ICMT: variants seen among roughly 807,000 people sequenced by gnomAD.
The protein encoded by ICMT is protein-S-isoprenylcysteine O-methyltransferase.
In ICMT, 10 loss-of-function variants were observed where a neutral mutation model predicts 32.2. That is an observed-to-expected ratio of 0.31 (90% CI 0.19 to 0.53). The LOEUF (loss-of-function observed/expected upper bound fraction) is 0.53. ICMT is among the 20% of genes least tolerant of loss of function. ICMT has a pLI of 0.96. For missense variants in ICMT, 265 were observed against 356.9 expected, an observed-to-expected ratio of 0.74 and a Z score of 2.07; for synonymous variants, 183 against 158.2, an observed-to-expected ratio of 1.16 and a Z score of -1.18.
At chr1:6,234,337 T>C in intron 2 of ICMT, 1 of 387,730 alleles carries the variant, frequency 2.6e-6, no homozygotes, top group South Asian at 1.9e-5. Context: ...TTAACAAAAC[T>C]GAAATAATTC....
At chr1:6,231,414 G>A (rs1319706117) in intron 4 of ICMT, among the ~76,000 whole-genome samples, 1 of 152,082 alleles carries the variant, frequency 6.6e-6, no homozygotes, top group Non-Finnish European at 1.5e-5. Flanking sequence ...AGGTTGAAGG[G>A]GCAGAGAAAG....
intron 4 of ICMT, among the ~76,000 whole-genome samples, chr1:6,229,752 A>C (rs894005042): frequency 6.7e-6 from 1 of 149,318 alleles, no homozygotes; most frequent in Non-Finnish European, 1.5e-5. Context: ...GCCTCAAAAC[A>C]AAACAAAAAA....
chr1:6,228,550 G>A (rs1213032887), intron 4 of ICMT, among the ~76,000 whole-genome samples: 2 of 151,854 alleles, frequency 1.3e-5, no homozygotes, highest in South Asian at 2.1e-4. Flanking sequence ...CACTGTGTTA[G>A]CCAGGATGGT....
chr1:6,227,990 A>G (rs1288315173), intron 4 of ICMT, among the ~76,000 whole-genome samples: 1 of 151,514 alleles, frequency 6.6e-6, no homozygotes, highest in African/African-American at 2.4e-5. Context: ...CAACACTAAG[A>G]CCCCATCTCT....
Position 6,235,941 on chromosome 1 carries a change from G to A in ICMT, c.-30C>T, listed in dbSNP as rs1377954586. 18 of 1,081,914 alleles carry A rather than the reference G, an allele frequency of 1.7e-5. No homozygotes were observed. The highest frequency in any genetic ancestry group is 1.7e-5 in the Non-Finnish European group (15 of 888,834). The allele number at this position is 1,081,914 out of a possible 1,614,324, so 67.0% of individuals were successfully genotyped here. The stretch of plus-strand genomic sequence containing the variant: ...CCGGGCGGCGGACTAGCGGGCGGCG[G>A]CGCCGGCTGTAGCCCGGAGAAACGC... On this transcript the variant is annotated 5_prime_UTR_variant, in exon 1 of 5. Transcript: ENST00000343813.
Position 6,224,389 on chromosome 1 carries a change from A to G in ICMT, c.*691T>C, listed in dbSNP as rs1668607344. 1 of 152,194 alleles carries G rather than the reference A, an allele frequency of 6.6e-6. No homozygotes were observed. The allele number at this position is 152,194 out of a possible 1,614,324, so 9.4% of individuals were successfully genotyped here. A position where few individuals can be genotyped will look rare whatever the true frequency, so the allele number is the denominator to read the frequency against. On this transcript the variant is annotated 3_prime_UTR_variant, in exon 5 of 5. Coordinates refer to ENST00000343813, the MANE Select transcript of ICMT (RefSeq NM_012405.4). ...GGGCCACGGTCACACAAAGCCACTC[A>G]GCCAAATCGTGTAGAGTTATCTAGG...
chr1:6,227,849 C>T (rs530294196), intron 4 of ICMT, among the ~76,000 whole-genome samples: 1 of 151,650 alleles, frequency 6.6e-6, no homozygotes, highest in African/African-American at 2.4e-5. Flanking sequence ...GAGCGAGACT[C>T]TGTCTCAAAA....
intron 4 of ICMT, among the ~76,000 whole-genome samples, chr1:6,228,098 G>C (rs1668673021): frequency 6.6e-6 from 1 of 152,192 alleles, no homozygotes; most frequent in South Asian, 2.1e-4. Flanking sequence ...CCAGGAGTTT[G>C]AGACTAGCTT....
At chr1:6,228,531 A>G (rs963055891) in intron 4 of ICMT, among the ~76,000 whole-genome samples, 28 of 151,638 alleles carry the variant, frequency 1.8e-4, no homozygotes, top group Admixed American at 7.9e-4. Flanking sequence ...TTTAGTAGAG[A>G]TGAGGCTTCA....
chr1:6,227,284 A>G lies in ICMT; in HGVS notation c.673-2022T>C, dbSNP rs567300227. ...CAAATTACATTATTCAGTCATAACT[A>G]ATTTGTTCCCAGGGAAGGTGATTGT... is the stretch of plus-strand genomic sequence containing the variant. On this transcript the variant is annotated intron_variant, in intron 4 of 4. Coordinates refer to ENST00000343813, the MANE Select transcript of ICMT (RefSeq NM_012405.4). 3.9e-5 allele frequency among the ~76,000 whole-genome samples: 6 copies of G among 152,324 alleles called. No homozygotes were observed. In the South Asian group the frequency reaches 1.2e-3, roughly 32 times the overall value.
chr1:6,234,365 A>G, intron 2 of ICMT: 1 of 415,654 alleles, frequency 2.4e-6, no homozygotes, highest in South Asian at 1.7e-5. Flanking sequence ...GAAGGATTAG[A>G]TGGCTCAAAA....
At position 6,223,657 on chromosome 1, in the gene ICMT, GTTC is replaced by G. The variant is rs1469627710; in HGVS notation, c.*1420_*1422del. 1 of 152,204 alleles carries G rather than the reference GTTC, an allele frequency of 6.6e-6. No homozygotes were observed. Among genetic ancestry groups the G allele is most frequent in the Admixed American group, 6.5e-5 (1 of 15,282 alleles). 9.4% of individuals were successfully genotyped at this position (152,204 alleles called of 1,614,324 possible). ...CTGAGTATTAAAAACATTTGACATTGTTCTTCTCAGTCCTCACAACACCCCTGT... is the reference window on the plus strand; with the variant it reads ...CTGAGTATTAAAAACATTTGACATTGTTCTCAGTCCTCACAACACCCCTGT... On this transcript the variant is annotated 3_prime_UTR_variant, in exon 5 of 5. Transcript: ENST00000343813.
chr1:6,222,969 G>C lies in ICMT; in HGVS notation c.*2111C>G, dbSNP rs1402976638. 2 of 152,284 alleles carry C rather than the reference G, an allele frequency of 1.3e-5. No homozygotes were observed. The highest frequency in any genetic ancestry group is 4.8e-5 in the African/African-American group (2 of 41,470). The allele number at this position is 152,284 out of a possible 1,614,324, so 9.4% of individuals were successfully genotyped here. A position where few individuals can be genotyped will look rare whatever the true frequency, so the allele number is the denominator to read the frequency against. On this transcript the variant is annotated 3_prime_UTR_variant, in exon 5 of 5. Transcript: ENST00000343813. ...ATGATTCAACTCAAGTTCCTAAACA[G>C]AGTAAGTGCCAGTTGATGTCCCACC... is the stretch of plus-strand genomic sequence containing the variant.
At chr1:6,235,099 G>T in intron 1 of ICMT, 125 bp from the exon 2 acceptor site, 1 of 706,012 alleles carries the variant, frequency 1.4e-6, no homozygotes, top group Admixed American at 2.4e-5. Flanking sequence ...AGGTTGAAAG[G>T]GAGAAGTGGG....
Position 6,224,856 on chromosome 1 carries a change from G to A in ICMT, c.*224C>T, listed in dbSNP as rs899586153. On this transcript the variant is annotated 3_prime_UTR_variant, in exon 5 of 5. Transcript: ENST00000343813. ...TATTGCTGTGATTTGCCCCTTACTC[G>A]TCTTTCACCCATGTTCCGCCTTGAT... The A allele has an allele frequency of 1.7e-5, 9 of 522,178 alleles. No homozygotes were observed. Among genetic ancestry groups the A allele is most frequent in the East Asian group, 6.5e-5 (2 of 30,944 alleles). 32.3% of individuals were successfully genotyped at this position (522,178 alleles called of 1,614,324 possible). A position where few individuals can be genotyped will look rare whatever the true frequency, so the allele number is the denominator to read the frequency against.
At chr1:6,229,533 T>C (rs966717670) in intron 4 of ICMT, among the ~76,000 whole-genome samples, 3 of 150,994 alleles carry the variant, frequency 2.0e-5, no homozygotes, top group African/African-American at 7.3e-5. Context: ...ATGACACACA[T>C]CTGTAGTTTC....
chr1:6,232,376 G>A (rs1668750809), intron 3 of ICMT, among the ~76,000 whole-genome samples: 1 of 152,208 alleles, frequency 6.6e-6, no homozygotes, highest in Non-Finnish European at 1.5e-5. Context: ...TGCTACAGCT[G>A]ATGGGCTCTC....
intron 2 of ICMT, chr1:6,234,301 G>C (rs936501311): frequency 2.5e-5 from 9 of 367,264 alleles, no homozygotes; most frequent in Admixed American, 1.5e-4. Flanking sequence ...ACAACATAAA[G>C]GAGTGATGTA....
At position 6,224,374 on chromosome 1, in the gene ICMT, C is replaced by T. The variant is rs1424746378; in HGVS notation, c.*706G>A. On this transcript the variant is annotated 3_prime_UTR_variant, in exon 5 of 5. Coordinates refer to ENST00000343813, the MANE Select transcript of ICMT (RefSeq NM_012405.4). Reference sequence around the variant, plus strand: ...GATCCCCTTGGCCTGGGGCCACGGTCACACAAAGCCACTCAGCCAAATCGT... The same window carrying T: ...GATCCCCTTGGCCTGGGGCCACGGTTACACAAAGCCACTCAGCCAAATCGT... 6.6e-6 allele frequency: 1 copy of T among 152,192 alleles called. No homozygotes were observed. Among genetic ancestry groups the T allele is most frequent in the Non-Finnish European group, 1.5e-5 (1 of 68,038 alleles). 9.4% of individuals were successfully genotyped at this position (152,192 alleles called of 1,614,324 possible). A position where few individuals can be genotyped will look rare whatever the true frequency, so the allele number is the denominator to read the frequency against.
Sources: allele counts gnomAD v4.1 joint callset (sites outside exome capture counted in the v4.1 genomes callset), GRCh38; gene constraint gnomAD v4.1.1; transcripts MANE v1.5; gene names NCBI Gene and HGNC (gene_info 2026-07-23, HGNC 2026-07-21).